The following EFNA5 variants were observed in gnomAD, a reference collection of about 807,000 sequenced individuals.
EFNA5 encodes ephrin-A5.
Under a neutral mutation model 22.9 loss-of-function variants are expected in EFNA5, and 5 were observed. The ratio of observed to expected loss-of-function variants is 0.22; its 90% CI spans 0.11 to 0.46. The LOEUF is 0.46. EFNA5 is among the 20% of genes least tolerant of loss of function. The pLI, the probability that EFNA5 is intolerant of heterozygous loss-of-function variation, is 0.99. For missense variants in EFNA5, 237 were observed against 293.3 expected (o/e 0.81, Z 1.40); for synonymous variants, 113 against 112.2 (o/e 1.01, Z -0.04).
chr5:107,547,988 A>C (rs342602), intron 1 of EFNA5, among the ~76,000 whole-genome samples: 23,857 of 152,254 alleles, frequency 0.16, 2,063 homozygotes, highest in Middle Eastern at 0.3. Context: ...ATTCCTAAGA[A>C]GGTCTATATA....
At chr5:107,548,452 T>C (rs998214716) in intron 1 of EFNA5, among the ~76,000 whole-genome samples, 2 of 152,190 alleles carry the variant, frequency 1.3e-5, no homozygotes, top group African/African-American at 4.8e-5. Flanking sequence ...GAGCAATAAC[T>C]AAAAATAAAG....
intron 1 of EFNA5, among the ~76,000 whole-genome samples, chr5:107,533,881 T>C (rs1329960849): frequency 6.6e-6 from 1 of 152,206 alleles, no homozygotes; most frequent in Non-Finnish European, 1.5e-5. Flanking sequence ...TGCACAGTCA[T>C]TAGACAATAG....
At chr5:107,669,006 T>C (rs1463954142) in intron 1 of EFNA5, among the ~76,000 whole-genome samples, 1 of 152,092 alleles carries the variant, frequency 6.6e-6, no homozygotes, top group Non-Finnish European at 1.5e-5. Flanking sequence ...ATTTAGGACT[T>C]GGGCGGCTAC....
chr5:107,389,384 G>A (rs1747724483), intron 2 of EFNA5, among the ~76,000 whole-genome samples: 1 of 152,168 alleles, frequency 6.6e-6, no homozygotes. Flanking sequence ...CAATTCATTA[G>A]GAAAACCACG....
At chr5:107,386,810 T>C (rs1353555626) in intron 4 of EFNA5, among the ~76,000 whole-genome samples, 2 of 152,234 alleles carry the variant, frequency 1.3e-5, no homozygotes, top group Non-Finnish European at 1.5e-5. Context: ...TTTTGTGCAA[T>C]AGTCTTATTA....
At chr5:107,541,432 T>C (rs1393485899) in intron 1 of EFNA5, among the ~76,000 whole-genome samples, 3 of 152,222 alleles carry the variant, frequency 2.0e-5, no homozygotes, top group Non-Finnish European at 4.4e-5. Context: ...AATCGAAGCC[T>C]AACTCTAGCA....
rs898687087 is a variant in EFNA5, at chr5:107,659,914, A to AT, written c.125+10574dup. On this transcript the variant is annotated intron_variant, in intron 1 of 4. Transcript: ENST00000333274. The stretch of plus-strand genomic sequence containing the variant: ...TAACTAAATTAATAGTCCTTTCTAC[A>AT]TTTTTTTTCCTTCAGAGAACAGAGG... Among the ~76,000 whole-genome samples the AT allele has an allele frequency of 2.6e-5, 4 of 151,622 alleles. No individual in the cohort carries two copies. In the East Asian group the frequency reaches 5.8e-4, roughly 22 times the overall value.
At chr5:107,420,627 A>AT (rs1748631690) in intron 2 of EFNA5, among the ~76,000 whole-genome samples, 2 of 151,752 alleles carry the variant, frequency 1.3e-5, no homozygotes, top group African/African-American at 2.4e-5. Flanking sequence ...CTAGCATATT[A>AT]TTTTTTTAAA....
Position 107,670,829 on chromosome 5 carries a change from TAA to T in EFNA5, c.-218_-217del, listed in dbSNP as rs1751185074. 3 of 595,386 alleles carry T rather than the reference TAA, an allele frequency of 5.0e-6. No individual in the cohort carries two copies. Among genetic ancestry groups the T allele is most frequent in the Non-Finnish European group, 8.7e-6 (3 of 346,804 alleles). The allele number at this position is 595,386 out of a possible 1,614,324, so 36.9% of individuals were successfully genotyped here. On this transcript the variant is annotated 5_prime_UTR_variant, in exon 1 of 5. Transcript: ENST00000333274. Reference sequence around the variant, plus strand: ...AAGAAGGCGGTGGGATGGGGGGTGATAAAGACAAACTCGCACCCCCACTGGAG... The same window carrying T: ...AAGAAGGCGGTGGGATGGGGGGTGATAGACAAACTCGCACCCCCACTGGAG...
intron 1 of EFNA5, among the ~76,000 whole-genome samples, chr5:107,428,394 A>C (rs980415721): frequency 2.0e-5 from 3 of 152,190 alleles, no homozygotes; most frequent in Non-Finnish European, 2.9e-5. Context: ...CCTAGTTAAA[A>C]ATGTACACAC....
intron 1 of EFNA5, among the ~76,000 whole-genome samples, chr5:107,494,037 T>A (rs1299613336): frequency 1.3e-5 from 2 of 152,168 alleles, no homozygotes; most frequent in African/African-American, 2.4e-5. Context: ...ATGTAAAACA[T>A]TTTTTACCCC....
intron 1 of EFNA5, among the ~76,000 whole-genome samples, chr5:107,662,064 A>G (rs760383099): frequency 2.6e-5 from 4 of 152,188 alleles, no homozygotes; most frequent in Admixed American, 6.5e-5. Context: ...AAGAAAAAAA[A>G]CAAAAGGTAT....
chr5:107,532,226 C>T (rs1747828379), intron 1 of EFNA5, among the ~76,000 whole-genome samples: 1 of 152,202 alleles, frequency 6.6e-6, no homozygotes, highest in East Asian at 1.9e-4. Flanking sequence ...CGTGTGAACG[C>T]TGCATGAGAC....
intron 1 of EFNA5, among the ~76,000 whole-genome samples, chr5:107,669,634 C>T (rs1401372278): frequency 2.6e-5 from 4 of 152,128 alleles, no homozygotes; most frequent in Non-Finnish European, 5.9e-5. Flanking sequence ...CTCTAGTCTC[C>T]CGCATACCCG....
intron 1 of EFNA5, among the ~76,000 whole-genome samples, chr5:107,522,063 C>T (rs17160095): frequency 0.06 from 9,079 of 152,162 alleles, 841 homozygotes; most frequent in African/African-American, 0.2. Flanking sequence ...TATATAGCAA[C>T]GGTCCATAGT....
intron 1 of EFNA5, among the ~76,000 whole-genome samples, chr5:107,663,930 A>C (rs1751019049): frequency 6.6e-6 from 1 of 152,148 alleles, no homozygotes; most frequent in Non-Finnish European, 1.5e-5. Context: ...TAAAGATGAC[A>C]AAGGTTTATT....
At chr5:107,630,135 T>A (rs1750219214) in intron 1 of EFNA5, among the ~76,000 whole-genome samples, 1 of 152,172 alleles carries the variant, frequency 6.6e-6, no homozygotes, top group Non-Finnish European at 1.5e-5. Context: ...AGTGTTAGTG[T>A]ATTTTATGTG....
At chr5:107,465,520 A>G (rs1580469572) in intron 1 of EFNA5, among the ~76,000 whole-genome samples, 1 of 152,318 alleles carries the variant, frequency 6.6e-6, no homozygotes, top group African/African-American at 2.4e-5. Context: ...ATGAGCCAAT[A>G]TGACAGCAAA....
chr5:107,581,545 G>C (rs1235684965), intron 1 of EFNA5, among the ~76,000 whole-genome samples: 1 of 152,180 alleles, frequency 6.6e-6, no homozygotes, highest in Non-Finnish European at 1.5e-5. Context: ...CAGTTCCAAA[G>C]CCATCTACAC....
Sources: allele counts gnomAD v4.1 joint callset (sites outside exome capture counted in the v4.1 genomes callset), GRCh38; gene constraint gnomAD v4.1.1; transcripts MANE v1.5; gene names NCBI Gene and HGNC (gene_info 2026-07-23, HGNC 2026-07-21).